The following DNPEP variants were observed in gnomAD, a reference collection of about 807,000 sequenced individuals.
The protein encoded by DNPEP is aspartyl aminopeptidase.
A neutral mutation model predicts 59.1 loss-of-function variants in DNPEP; 46 were observed. That is an observed-to-expected ratio of 0.78 (90% confidence interval 0.61 to 0.99). The LOEUF (loss-of-function observed/expected upper bound fraction) is 0.99. DNPEP is among the 50% of genes least tolerant of loss of function. DNPEP has a pLI of 0.00. For missense variants in DNPEP, 617 were observed against 649.9 expected, an observed-to-expected ratio of 0.95 and a Z score of 0.55; for synonymous variants, 229 against 242.2, an observed-to-expected ratio of 0.95 and a Z score of 0.50.
chr2:219,396,283 AT>A (rs1275985007), intron 1 of DNPEP, among the ~76,000 whole-genome samples: 3 of 152,098 alleles, frequency 2.0e-5, no homozygotes, highest in Non-Finnish European at 2.9e-5. Flanking sequence ...GCCCAGTTTA[AT>A]TTGAATTTAA....
At chr2:219,391,312 C>A (rs1328660932), upstream of DNPEP, among the ~76,000 whole-genome samples, 2 of 152,142 alleles carry the variant, frequency 1.3e-5, no homozygotes, top group African/African-American at 4.8e-5. Flanking sequence ...TTTGCACAGA[C>A]CTTTATACCC....
At position 219,386,737 on chromosome 2, in the gene DNPEP, A is replaced by G; in HGVS notation, c.261T>C (p.Ala87=). The G allele has an allele frequency of 6.2e-6, 10 of 1,613,070 alleles. No homozygotes were observed. Among genetic ancestry groups the G allele is most frequent in the South Asian group, 1.1e-5 (1 of 90,756 alleles). The change falls in exon 4 of 15, where the codon GCT becomes GCC. Residue 87 remains alanine, a synonymous_variant. Transcript: ENST00000273075. ...TRNSSTIIAF[A]VGGQYVPGNG... ...TGCCAGGAACGTACTGGCCCCCTACAGCAAAAGCTATGATGGTGGAGGAGT... is the reference window on the plus strand; with the variant it reads ...TGCCAGGAACGTACTGGCCCCCTACGGCAAAAGCTATGATGGTGGAGGAGT...
upstream of DNPEP, among the ~76,000 whole-genome samples, chr2:219,390,755 G>A (rs1009182917): frequency 3.9e-5 from 6 of 152,126 alleles, no homozygotes; most frequent in Admixed American, 1.3e-4. Context: ...GCTTGAACCC[G>A]GGAGGCAGAG....
chr2:219,385,917 T>C (rs777876217), intron 6 of DNPEP, 51 bp downstream of exon 6: 8 of 1,604,986 alleles, frequency 5.0e-6, no homozygotes, highest in Non-Finnish European at 6.8e-6. Flanking sequence ...AATAATCACC[T>C]GGTACCATTC....
rs779600424 is a variant in DNPEP at position 219,386,015 on chromosome 2, C to T, written c.543G>A (p.Leu181=). The T allele has an allele frequency of 8.1e-6, 13 of 1,614,080 alleles. No individual in the cohort carries two copies. Among genetic ancestry groups the T allele is most frequent in the Non-Finnish European group, 1.1e-5 (13 of 1,180,044 alleles). The change falls in exon 6 of 15, where the codon CTG becomes CTA. Residue 181 remains leucine, a synonymous_variant. Coordinates refer to ENST00000273075, the MANE Select transcript of DNPEP (RefSeq NM_012100.4). ...CAAAGTTCTCGTTGATATTTCGCTG[C>T]AGATGGATGGCCAGGTGTGGGATGC... The part of the protein sequence containing the change: ...ILRIPHLAIH[L]QRNINENFGP...
At chr2:219,388,567 G>T, upstream of DNPEP, 2 of 369,952 alleles carry the variant, frequency 5.4e-6, no homozygotes, top group Non-Finnish European at 7.5e-6. Flanking sequence ...CTGCACCCCC[G>T]TCACCCACGC....
chr2:219,384,090 G>C (rs941470991), intron 9 of DNPEP, among the ~76,000 whole-genome samples: 1 of 152,198 alleles, frequency 6.6e-6, no homozygotes, highest in East Asian at 1.9e-4. Context: ...AAAGCAGCAG[G>C]AGCAAGGCTA....
chr2:219,374,408 A>C (rs1574966329), intron 14 of DNPEP, 66 bp from the exon 15 acceptor site: 1 of 1,414,182 alleles, frequency 7.1e-7, no homozygotes, highest in South Asian at 1.2e-5. Flanking sequence ...CCTGCCACCC[A>C]CCTCCCACCA....
chr2:219,387,996 AG>A, upstream of DNPEP: 1 of 1,170,410 alleles, frequency 8.5e-7, no homozygotes, highest in South Asian at 2.0e-5. Flanking sequence ...CACCTCGGTC[AG>A]CCCCGCCCCT....
chr2:219,388,563 C>T (rs905380429), upstream of DNPEP: 50 of 336,946 alleles, frequency 1.5e-4, no homozygotes, highest in East Asian at 7.1e-3. Flanking sequence ...CGCCCTGCAC[C>T]CCCGTCACCC....
intron 8 of DNPEP, 179 bp downstream of exon 8, chr2:219,385,245 G>T (rs1159462119): frequency 1.7e-5 from 10 of 576,918 alleles, no homozygotes; most frequent in Non-Finnish European, 2.8e-5. Context: ...CTGGGGTAGG[G>T]AACTTGTCTT....
chr2:219,386,285 C>A lies in DNPEP; in HGVS notation c.459+1G>T, dbSNP rs1188399956. The A allele has an allele frequency of 3.7e-6, 6 of 1,614,238 alleles. No homozygotes were observed. Among genetic ancestry groups the A allele is most frequent in the South Asian group, 3.3e-5 (3 of 91,092 alleles). On this transcript the variant is annotated splice_donor_variant, in intron 5 of 14. Coordinates refer to ENST00000273075, the MANE Select transcript of DNPEP (RefSeq NM_012100.4). LOFTEE classifies it high-confidence loss of function. ...CCGCCATCCCCAACCTCGGTTCCCA[C>A]CTTGACAATGACGCGTCCAGCCAGA...
intron 11 of DNPEP, 128 bp downstream of exon 11, chr2:219,381,851 C>A: frequency 1.7e-6 from 2 of 1,207,338 alleles, no homozygotes; most frequent in Non-Finnish European, 1.2e-6. Context: ...AAAGGAAGTG[C>A]CCGTGAACCT....
upstream of DNPEP, chr2:219,388,009 G>T: frequency 8.9e-7 from 1 of 1,118,514 alleles, no homozygotes; most frequent in Non-Finnish European, 1.1e-6. Flanking sequence ...CCCGCCCCTC[G>T]GCGGGCTTAC....
chr2:219,381,843 AG>A (rs1293095561), intron 11 of DNPEP, 135 bp downstream of exon 11: 96 of 1,130,160 alleles, frequency 8.5e-5, no homozygotes, highest in South Asian at 3.3e-4. Context: ...AGTAGTGAAA[AG>A]GAAGTGCCCG....
intron 9 of DNPEP, 46 bp downstream of exon 9, chr2:219,384,320 C>T (rs1309231817): frequency 1.9e-6 from 3 of 1,563,616 alleles, no homozygotes; most frequent in Non-Finnish European, 2.6e-6. Context: ...AAACATACCA[C>T]CTCTGCTGGT....
chr2:219,387,520 C>A, intron 1 of DNPEP: 2 of 1,441,154 alleles, frequency 1.4e-6, no homozygotes, highest in South Asian at 1.5e-5. Flanking sequence ...GCGTACCCAG[C>A]CCGGAGCCAA....
upstream of DNPEP, chr2:219,388,670 A>G: frequency 1.0e-6 from 1 of 985,290 alleles, no homozygotes; most frequent in Non-Finnish European, 1.2e-6. Flanking sequence ...CCGGGCCTCG[A>G]GGCCAATAAA....
chr2:219,387,997 G>GC (rs1321629249), upstream of DNPEP: 1 of 1,177,968 alleles, frequency 8.5e-7, no homozygotes, highest in Non-Finnish European at 1.1e-6. Flanking sequence ...ACCTCGGTCA[G>GC]CCCCGCCCCT....
Sources: allele counts gnomAD v4.1 joint callset (sites outside exome capture counted in the v4.1 genomes callset), GRCh38; gene constraint gnomAD v4.1.1; transcripts MANE v1.5; gene names NCBI Gene and HGNC (gene_info 2026-07-23, HGNC 2026-07-21).